The following DNAI3 variants were observed in gnomAD, a reference collection of about 807,000 sequenced individuals.
The protein encoded by DNAI3 is WD repeat domain 63.
In DNAI3, 83 loss-of-function variants were observed where a neutral mutation model predicts 115.5. The observed-to-expected ratio is 0.72, with a 90% CI of 0.60 to 0.86. The LOEUF is 0.86. Among genes scored for constraint, DNAI3 ranks in the 40% least tolerant of loss-of-function variants. The probability of loss-of-function intolerance (pLI) is 0.00; values close to 1 mark genes in which losing one functional copy is unlikely to be tolerated. For missense variants in DNAI3, 1,004 were observed against 1,075.8 expected (o/e 0.93, Z 0.93); for synonymous variants, 320 against 347.0 (o/e 0.92, Z 0.86).
intron 3 of DNAI3, among the ~76,000 whole-genome samples, chr1:85,079,033 C>T (rs1350428932): frequency 2.6e-5 from 4 of 152,216 alleles, no homozygotes; most frequent in African/African-American, 9.6e-5. Flanking sequence ...GCTTTCTGGT[C>T]TTCTGAATGC....
chr1:85,084,839 G>T, intron 6 of DNAI3, 144 bp downstream of exon 6: 1 of 823,728 alleles, frequency 1.2e-6, no homozygotes, highest in African/African-American at 1.8e-5. Context: ...ATAGAAGAAT[G>T]GTCATTGTCT....
At chr1:85,089,446 G>A (rs948896866) in intron 7 of DNAI3, among the ~76,000 whole-genome samples, 1 of 147,276 alleles carries the variant, frequency 6.8e-6, no homozygotes, top group African/African-American at 2.5e-5. Flanking sequence ...CATATGAGGT[G>A]TTCACATACA....
chr1:85,119,616 T>C (rs941382935), intron 17 of DNAI3, among the ~76,000 whole-genome samples: 3 of 152,180 alleles, frequency 2.0e-5, no homozygotes, highest in African/African-American at 2.4e-5. Context: ...CCATGGCCTA[T>C]AAGATTCGTC....
chr1:85,084,217 GTA>G (rs1228373577), intron 5 of DNAI3, among the ~76,000 whole-genome samples: 1 of 130,604 alleles, frequency 7.7e-6, no homozygotes, highest in African/African-American at 2.8e-5. Context: ...GTAGAGATGT[GTA>G]TATATATGTG....
chr1:85,067,608 A>G (rs1357027157), intron 1 of DNAI3, among the ~76,000 whole-genome samples: 2 of 152,240 alleles, frequency 1.3e-5, no homozygotes, highest in Non-Finnish European at 2.9e-5. Flanking sequence ...GCAAAGAAGT[A>G]AAGTCACAGA....
At chr1:85,097,450 C>T (rs1655157832) in intron 11 of DNAI3, 119 bp from the exon 12 acceptor site, 1 of 712,936 alleles carries the variant, frequency 1.4e-6, no homozygotes, top group East Asian at 3.3e-5. Context: ...ATATAAGCTA[C>T]ATTTGATTAT....
At chr1:85,092,848 A>T (rs1655020740) in intron 8 of DNAI3, among the ~76,000 whole-genome samples, 1 of 147,034 alleles carries the variant, frequency 6.8e-6, no homozygotes, top group Admixed American at 6.8e-5. Flanking sequence ...TCTAAACTCC[A>T]ATTCTTCCCT....
chr1:85,131,338 GGAGGCT>G (rs1450402946), intron 22 of DNAI3, among the ~76,000 whole-genome samples: 2 of 151,740 alleles, frequency 1.3e-5, no homozygotes, highest in Non-Finnish European at 2.9e-5. Context: ...CAGCTACTCG[GGAGGCT>G]GAGGCAGGAG....
At chr1:85,085,411 G>A (rs369620174) in intron 6 of DNAI3, among the ~76,000 whole-genome samples, 16 of 152,138 alleles carry the variant, frequency 1.1e-4, no homozygotes, top group African/African-American at 2.9e-4. Flanking sequence ...CATGACAAGC[G>A]CTGAACAGGG....
In DNAI3 at chr1:85,084,662, T is replaced by C. The variant is rs1449743241; in HGVS notation, c.507T>C (p.Ile169=). 1.3e-6 allele frequency: 2 copies of C among 1,546,138 alleles called. No individual in the cohort carries two copies. The highest frequency in any genetic ancestry group is 2.5e-5 in the East Asian group (1 of 40,414). The part of the protein sequence containing the change: ...PWVSLGSEKE[I]EEESVTESTK... ...TTTCTTTGGGCAGTGAAAAAGAAAT[T>C]GAGGAAGAATCAGTTACGGAATCTA... Residue 169 remains isoleucine, a synonymous_variant, in exon 6 of 23, where the codon ATT becomes ATC. Transcript: ENST00000294664.
Position 85,084,714 on chromosome 1 carries a change from A to C in DNAI3, c.540+19A>C. On this transcript the variant is annotated intron_variant, in intron 6 of 22. Transcript: ENST00000294664. ...AAAGCAGGTTAGAGGGTTATATATG[A>C]TCTGTAATCATTACCTCCCTGTAGC... is the stretch of plus-strand genomic sequence containing the variant. The C allele has an allele frequency of 6.9e-7, 1 of 1,444,044 alleles. No individual in the cohort carries two copies. The highest frequency in any genetic ancestry group is 9.2e-7 in the Non-Finnish European group (1 of 1,092,796). The allele number at this position is 1,444,044 out of a possible 1,614,324, so 89.5% of individuals were successfully genotyped here. A position where few individuals can be genotyped will look rare whatever the true frequency, so the allele number is the denominator to read the frequency against.
intron 7 of DNAI3, 146 bp downstream of exon 7, chr1:85,086,176 G>T: frequency 1.3e-6 from 1 of 754,134 alleles, no homozygotes; most frequent in Non-Finnish European, 2.1e-6. Context: ...ATTCAATTCA[G>T]GAAGATCTAA....
rs185435492 is a variant in DNAI3, at chr1:85,100,385, C to T, written c.1479+1727C>T. ...ACACATGAGAAAATGCTCATCATCA[C>T]GGGCCATCAGAAAAATGCAAATCAA... On this transcript the variant is annotated intron_variant, in intron 13 of 22. Transcript: ENST00000294664. 4.8e-3 allele frequency among the ~76,000 whole-genome samples: 729 copies of T among 152,308 alleles called. 8 individuals are homozygous for T. The highest frequency in any genetic ancestry group is 0.016 in the African/African-American group (682 of 41,560).
intron 10 of DNAI3, 92 bp downstream of exon 10, chr1:85,094,647 TCATGTAATGTTGTAAA>T (rs1379867846): frequency 7.2e-5 from 102 of 1,424,008 alleles, no homozygotes; most frequent in Non-Finnish European, 9.0e-5. Context: ...TACTTTATAA[TCATGTAATGTTGTAAA>T]CATTTATAAA....
intron 9 of DNAI3, chr1:85,093,860 C>T (rs1655052229): frequency 1.5e-6 from 1 of 680,218 alleles, no homozygotes; most frequent in East Asian, 3.0e-5. Flanking sequence ...ATCTCTGTTT[C>T]ACAACAAAAG....
chr1:85,085,851 A>G lies in DNAI3; in HGVS notation c.561A>G (p.Arg187=). The G allele has an allele frequency of 6.2e-7, 1 of 1,614,164 alleles. No individual in the cohort carries two copies. The highest frequency in any genetic ancestry group is 2.2e-5 in the East Asian group (1 of 44,872). ...STKQITYMIS[R]KRSEFGAPIK... is the part of the protein sequence containing the mutation. ...TACAGATTACATATATGATTTCTCG[A>G]AAACGAAGTGAATTTGGTGCACCAA... is the stretch of plus-strand genomic sequence containing the variant. Residue 187 remains arginine, a synonymous_variant, in exon 7 of 23, where the codon CGA becomes CGG. Coordinates refer to ENST00000294664, the MANE Select transcript of DNAI3 (RefSeq NM_145172.5).
In DNAI3 at chr1:85,116,778, C is replaced by T. The variant is rs568288202; in HGVS notation, c.1787-951C>T. On this transcript the variant is annotated intron_variant, in intron 16 of 22. Transcript: ENST00000294664. ...AATACAGCTATTTAAAGATCTAGTT[C>T]GATGTTTGGTTCATTTTGATACTCG... Among the ~76,000 whole-genome samples, 50 of 152,002 alleles carry T rather than the reference C, an allele frequency of 3.3e-4. 1 individual carries two copies. The South Asian group carries it at 9.1e-3, about 28-fold the overall frequency.
At chr1:85,117,272 AG>A (rs2100607022) in intron 16 of DNAI3, among the ~76,000 whole-genome samples, 1 of 152,334 alleles carries the variant, frequency 6.6e-6, no homozygotes, top group African/African-American at 2.4e-5. Flanking sequence ...TTACAAGAAA[AG>A]TCACAATATT....
intron 7 of DNAI3, among the ~76,000 whole-genome samples, chr1:85,086,673 A>G (rs1464385922): frequency 1.3e-5 from 2 of 151,996 alleles, no homozygotes; most frequent in African/African-American, 2.4e-5. Context: ...CTCAGACCAA[A>G]AGCCTTGGAT....
Sources: allele counts gnomAD v4.1 joint callset (sites outside exome capture counted in the v4.1 genomes callset), GRCh38; gene constraint gnomAD v4.1.1; transcripts MANE v1.5; gene names NCBI Gene and HGNC (gene_info 2026-07-23, HGNC 2026-07-21).